The following UNC80 variants were observed in gnomAD, a reference collection of about 807,000 sequenced individuals.
The protein encoded by UNC80 is unc-80 subunit of NALCN channel complex, also known as protein unc-80 homolog.
Under a neutral mutation model 384.6 loss-of-function variants are expected in UNC80, and 164 were observed. That is an observed-to-expected ratio of 0.43 (90% CI 0.38 to 0.49). UNC80 has a LOEUF of 0.49. UNC80 is among the 20% of genes least tolerant of loss of function. The pLI, the probability that UNC80 is intolerant of heterozygous loss-of-function variation, is 0.00. For missense variants in UNC80, 3,330 were observed against 4,143.0 expected (o/e 0.80, Z 5.39); for synonymous variants, 1,486 against 1,527.8 (o/e 0.97, Z 0.64).
intron 20 of UNC80, 149 bp downstream of exon 20, chr2:209,840,797 A>C (rs2081679525): frequency 1.6e-6 from 1 of 642,246 alleles, no homozygotes. Flanking sequence ...TTAGATAAGC[A>C]ATGGAAACTA....
intron 56 of UNC80, 31 bp downstream of exon 56, chr2:209,973,301 T>C: frequency 6.5e-7 from 1 of 1,532,700 alleles, no homozygotes; most frequent in Non-Finnish European, 8.8e-7. Flanking sequence ...TCTCTCTGTT[T>C]GTGCATGTGT....
intron 29 of UNC80, among the ~76,000 whole-genome samples, chr2:209,909,223 G>A (rs530043454): frequency 6.6e-6 from 1 of 152,234 alleles, no homozygotes; most frequent in African/African-American, 2.4e-5. Context: ...ATTATTCAAT[G>A]AATAGGCAAA....
At chr2:209,877,872 G>A in intron 23 of UNC80, 82 bp from the exon 24 acceptor site, 1 of 1,361,910 alleles carries the variant, frequency 7.3e-7, no homozygotes, top group Non-Finnish European at 9.7e-7. Flanking sequence ...TTAATTGGTT[G>A]CTTATGTCTG....
In UNC80 at chr2:209,982,254, T is replaced by A; in HGVS notation, c.9194T>A (p.Phe3065Tyr). The A allele has an allele frequency of 6.4e-7, 1 of 1,551,584 alleles. No individual in the cohort carries two copies. Among genetic ancestry groups the A allele is most frequent in the South Asian group, 1.2e-5 (1 of 84,052 alleles). Residue 3065 changes from phenylalanine to tyrosine, a missense_variant, in exon 60 of 65, where the codon TTC becomes TAC. Coordinates refer to ENST00000673920, the MANE Select transcript of UNC80 (RefSeq NM_001371986.1). ...CTGAGTGCCATTGGAAGGAGGCGAT[T>A]CTCCAGCCATGTCTCCAGCATGTCT... ...YLLSAIGRRRFSSHVSSMSVP... is the reference protein window; with the variant it reads ...YLLSAIGRRRYSSHVSSMSVP...
At chr2:209,800,705 T>A (rs1310785535) in intron 7 of UNC80, among the ~76,000 whole-genome samples, 4 of 152,202 alleles carry the variant, frequency 2.6e-5, no homozygotes. Flanking sequence ...GTGCTATAAA[T>A]CTCCCTCTAA....
intron 26 of UNC80, among the ~76,000 whole-genome samples, chr2:209,890,295 G>A (rs1268665482): frequency 6.6e-6 from 1 of 152,068 alleles, no homozygotes; most frequent in African/African-American, 2.4e-5. Context: ...AGTTTTTTGT[G>A]CTAATTACTT....
At chr2:209,931,903 A>T (rs114432119) in intron 38 of UNC80, among the ~76,000 whole-genome samples, 1 of 152,196 alleles carries the variant, frequency 6.6e-6, no homozygotes, top group African/African-American at 2.4e-5. Context: ...GGTGGTTTTC[A>T]GTCTCTCTTG....
chr2:209,809,019 C>A, intron 7 of UNC80: 1 of 372,344 alleles, frequency 2.7e-6, no homozygotes, highest in Admixed American at 3.9e-5. Context: ...AACTGAGACT[C>A]CCCCAAGAGA....
intron 4 of UNC80, among the ~76,000 whole-genome samples, chr2:209,785,772 C>T (rs1476983195): frequency 6.6e-6 from 1 of 152,190 alleles, no homozygotes; most frequent in Non-Finnish European, 1.5e-5. Context: ...AAGTTTCAAT[C>T]ACTGCAAACA....
intron 51 of UNC80, among the ~76,000 whole-genome samples, chr2:209,960,046 C>T (rs567675373): frequency 4.6e-5 from 7 of 152,246 alleles, no homozygotes; most frequent in South Asian, 4.1e-4. Flanking sequence ...TGCCCAGATT[C>T]GAATTTTTCA....
intron 35 of UNC80, among the ~76,000 whole-genome samples, chr2:209,922,827 T>G (rs2090145479): frequency 6.6e-6 from 1 of 151,852 alleles, no homozygotes; most frequent in Non-Finnish European, 1.5e-5. Flanking sequence ...GTTTTTGTTT[T>G]TATTCATCCC....
intron 56 of UNC80, among the ~76,000 whole-genome samples, chr2:209,973,982 C>G (rs2092946761): frequency 6.6e-6 from 1 of 152,116 alleles, no homozygotes; most frequent in African/African-American, 2.4e-5. Flanking sequence ...TTAACCTGGT[C>G]GTGACCCGGG....
chr2:209,849,740 A>G, intron 22 of UNC80, 117 bp downstream of exon 22: 1 of 1,118,276 alleles, frequency 8.9e-7, no homozygotes, highest in Non-Finnish European at 1.2e-6. Flanking sequence ...GCTTTTTCAG[A>G]ATTAGTGATA....
chr2:209,794,451 C>T (rs572007547), intron 7 of UNC80, among the ~76,000 whole-genome samples: 1 of 152,132 alleles, frequency 6.6e-6, no homozygotes, highest in Admixed American at 6.5e-5. Context: ...CTGTATATCC[C>T]TACTTTCAAA....
Position 209,823,705 on chromosome 2 carries a change from T to G in UNC80, c.2332-2202T>G, listed in dbSNP as rs139664474. ...TGCTATTATTAATAATAATAATTAG[T>G]TTTTCTATTATTATATGCCTTTCAT... is the stretch of plus-strand genomic sequence containing the variant. On this transcript the variant is annotated intron_variant, in intron 13 of 64. Transcript: ENST00000673920. Among the ~76,000 whole-genome samples the G allele has an allele frequency of 8.4e-3, 1,278 of 151,916 alleles. 16 individuals are homozygous for G. The highest frequency in any genetic ancestry group is 0.03 in the African/African-American group (1,237 of 41,486).
intron 51 of UNC80, among the ~76,000 whole-genome samples, chr2:209,965,604 G>A (rs2092720366): frequency 6.6e-6 from 1 of 151,616 alleles, no homozygotes; most frequent in African/African-American, 2.4e-5. Context: ...TGTATTTTTG[G>A]TAGAGACAGG....
intron 5 of UNC80, among the ~76,000 whole-genome samples, chr2:209,786,944 T>G (rs1355874844): frequency 6.8e-6 from 1 of 147,368 alleles, no homozygotes; most frequent in East Asian, 2.0e-4. Flanking sequence ...TAATAAAATT[T>G]AAAAAGAAAT....
intron 25 of UNC80, among the ~76,000 whole-genome samples, chr2:209,881,769 G>A (rs1223091319): frequency 1.3e-5 from 2 of 151,938 alleles, no homozygotes. Flanking sequence ...GTGTGGCACG[G>A]GGCACACCTT....
chr2:209,937,001 CT>C, intron 41 of UNC80, 68 bp downstream of exon 41: 3 of 1,124,472 alleles, frequency 2.7e-6, no homozygotes, highest in Non-Finnish European at 3.9e-6. Flanking sequence ...CTGAGGGTGG[CT>C]CACAGTCAGG....
Sources: allele counts gnomAD v4.1 joint callset (sites outside exome capture counted in the v4.1 genomes callset), GRCh38; gene constraint gnomAD v4.1.1; transcripts MANE v1.5; gene names NCBI Gene and HGNC (gene_info 2026-07-23, HGNC 2026-07-21).